FABP6: variants seen among roughly 807,000 people sequenced by gnomAD.
The protein encoded by FABP6 is fatty acid binding protein 6.
A neutral mutation model predicts 14.9 loss-of-function variants in FABP6; 13 were observed. The observed-to-expected ratio is 0.87, with a 90% CI of 0.57 to 1.39. The LOEUF (loss-of-function observed/expected upper bound fraction) is 1.39. FABP6 is among the 40% of genes most tolerant of loss of function. The pLI is 0.00. For missense variants in FABP6, 161 were observed against 167.2 expected (o/e 0.96, Z 0.20); for synonymous variants, 75 against 63.6 (o/e 1.18, Z -0.85).
At chr5:160,216,858 C>G (rs552042527) in intron 3 of FABP6, among the ~76,000 whole-genome samples, 1 of 152,272 alleles carries the variant, frequency 6.6e-6, no homozygotes, top group South Asian at 2.1e-4. Context: ...GGGTCATTCA[C>G]TAAGTACCAA....
intron 2 of FABP6, among the ~76,000 whole-genome samples, chr5:160,211,940 AAAC>A (rs1249423410): frequency 2.0e-5 from 3 of 151,926 alleles, no homozygotes; most frequent in South Asian, 2.1e-4. Context: ...TCAGATAGAA[AAAC>A]AACAACAACA....
At position 160,229,543 on chromosome 5, in the gene FABP6, C is replaced by T. The variant is rs1361273080; in HGVS notation, c.-15C>T. 5.6e-6 allele frequency: 9 copies of T among 1,613,790 alleles called. No homozygotes were observed. The highest frequency in any genetic ancestry group is 3.3e-4 in the Middle Eastern group (2 of 6,080). On this transcript the variant is annotated 5_prime_UTR_variant, in exon 1 of 4. Transcript: ENST00000402432. ...CCTCATCCCTCTGCTCTCTGGCCTC[C>T]AGCCTCCCAGCAGCATGGCTTTCAC...
chr5:160,202,044 G>A (rs1759651691), intron 2 of FABP6, among the ~76,000 whole-genome samples: 1 of 152,176 alleles, frequency 6.6e-6, no homozygotes, highest in African/African-American at 2.4e-5. Flanking sequence ...GATTACACGT[G>A]TGAGCCACCT....
chr5:160,227,148 A>G (rs899461877), upstream of FABP6, among the ~76,000 whole-genome samples: 4 of 152,232 alleles, frequency 2.6e-5, no homozygotes, highest in Non-Finnish European at 5.9e-5. Context: ...ACCCTTTTGT[A>G]ATGATATAGA....
At chr5:160,228,162 C>G (rs1448613534), upstream of FABP6, among the ~76,000 whole-genome samples, 3 of 152,186 alleles carry the variant, frequency 2.0e-5, no homozygotes, top group Admixed American at 6.5e-5. Context: ...GAGGCTGAGG[C>G]AGGCGGATCA....
At chr5:160,231,784 G>GA (rs1189566980) in intron 1 of FABP6, among the ~76,000 whole-genome samples, 1 of 152,052 alleles carries the variant, frequency 6.6e-6, no homozygotes, top group Non-Finnish European at 1.5e-5. Flanking sequence ...TATTATTGAT[G>GA]AGCACCCACC....
At chr5:160,213,680 A>C in intron 2 of FABP6, 4 of 1,465,112 alleles carry the variant, frequency 2.7e-6, no homozygotes, top group Non-Finnish European at 3.8e-6. Flanking sequence ...TGATTGGACC[A>C]GAGATGCCCA....
At position 160,232,141 on chromosome 5, in the gene FABP6, C is replaced by G; in HGVS notation, c.111C>G (p.Ile37Met). 6.2e-7 allele frequency: 1 copy of G among 1,614,026 alleles called. No individual in the cohort carries two copies. The highest frequency in any genetic ancestry group is 8.5e-7 in the Non-Finnish European group (1 of 1,180,006). The change falls in exon 2 of 4, where the codon ATC becomes ATG. Residue 37 changes from isoleucine to methionine, a missense_variant. Physicochemically the swap from Ile to Met is conservative, Grantham distance 10. Coordinates refer to ENST00000402432, the MANE Select transcript of FABP6 (RefSeq NM_001445.3). Reference protein sequence around the residue: ...DVIEKARNFKIVTEVQQDGQD... With the variant: ...DVIEKARNFKMVTEVQQDGQD... ...TCGAAAAGGCCCGCAACTTCAAGATCGTCACGGAGGTGCAGCAGGATGGGC... is the reference window on the plus strand; with the variant it reads ...TCGAAAAGGCCCGCAACTTCAAGATGGTCACGGAGGTGCAGCAGGATGGGC...
chr5:160,238,118 C>A (rs73817349), intron 3 of FABP6, among the ~76,000 whole-genome samples: 9 of 152,152 alleles, frequency 5.9e-5, no homozygotes, highest in Admixed American at 4.6e-4. Flanking sequence ...CAGCATCCCC[C>A]CCGCCTGCCT....
intron 3 of FABP6, among the ~76,000 whole-genome samples, chr5:160,235,115 C>A (rs1332841338): frequency 6.6e-6 from 1 of 152,170 alleles, no homozygotes; most frequent in African/African-American, 2.4e-5. Context: ...TTTGAGGAGA[C>A]TGAAGCACAG....
At chr5:160,203,948 A>C (rs1356005649) in intron 2 of FABP6, among the ~76,000 whole-genome samples, 3 of 151,948 alleles carry the variant, frequency 2.0e-5, no homozygotes. Flanking sequence ...TGATCTGCCC[A>C]CCTTGGCCTC....
At position 160,199,175 on chromosome 5, in the gene FABP6, G is replaced by A. The variant is rs550873727; in HGVS notation, c.51+18G>A. The A allele has an allele frequency of 3.1e-6, 5 of 1,614,036 alleles. 1 individual carries two copies. The East Asian group carries it at 1.1e-4, about 36-fold the overall frequency. On this transcript the variant is annotated intron_variant, in intron 2 of 6. Coordinates refer to the FABP6 transcript ENST00000393980. ...TGACTCAGGTAGCTCCGTGAAGCTG[G>A]AAATAAGTCATTTGAGGCAAATGAA...
At chr5:160,192,458 T>G (rs1759415459) in intron 1 of FABP6, among the ~76,000 whole-genome samples, 1 of 152,274 alleles carries the variant, frequency 6.6e-6, no homozygotes, top group African/African-American at 2.4e-5. Flanking sequence ...GCGTGTTTAC[T>G]CTCCACTAAG....
intron 2 of FABP6, among the ~76,000 whole-genome samples, chr5:160,213,250 T>C (rs1384174794): frequency 1.3e-5 from 2 of 152,222 alleles, no homozygotes; most frequent in African/African-American, 4.8e-5. Flanking sequence ...CCAGTACTCA[T>C]GTCCCGTTTG....
chr5:160,226,429 T>C (rs1467046807), upstream of FABP6, among the ~76,000 whole-genome samples: 2 of 150,010 alleles, frequency 1.3e-5, no homozygotes, highest in East Asian at 4.0e-4. Flanking sequence ...GGCATGATGG[T>C]GGGCACCTGT....
At chr5:160,207,744 A>ATGAAGT (rs1315150266) in intron 2 of FABP6, among the ~76,000 whole-genome samples, 4 of 133,910 alleles carry the variant, frequency 3.0e-5, no homozygotes, top group Admixed American at 2.4e-4. Context: ...TTTTTTTGAG[A>ATGAAGT]TGAAGTCTCG....
chr5:160,208,717 C>G (rs950128021), intron 2 of FABP6, among the ~76,000 whole-genome samples: 24 of 152,082 alleles, frequency 1.6e-4, no homozygotes, highest in African/African-American at 4.3e-4. Context: ...TGCTTGAGGC[C>G]AGGCATGCAA....
chr5:160,225,505 G>A (rs898242190), upstream of FABP6, among the ~76,000 whole-genome samples: 1 of 148,812 alleles, frequency 6.7e-6, no homozygotes, highest in East Asian at 2.0e-4. Context: ...GGGTTCAAGC[G>A]ATTCTCCTGC....
chr5:160,228,355 C>G, upstream of FABP6: 1 of 450,306 alleles, frequency 2.2e-6, no homozygotes, highest in Non-Finnish European at 4.5e-6. Flanking sequence ...CACACCTTTG[C>G]ACTCCAGCCT....
Sources: allele counts gnomAD v4.1 joint callset (sites outside exome capture counted in the v4.1 genomes callset), GRCh38; gene constraint gnomAD v4.1.1; transcripts MANE v1.5; gene names NCBI Gene and HGNC (gene_info 2026-07-23, HGNC 2026-07-21).